Variants in PDE4B observed in about 807,000 individuals in gnomAD.
The protein encoded by PDE4B is 3',5'-cyclic-AMP phosphodiesterase 4B.
Under a neutral mutation model 82.2 loss-of-function variants are expected in PDE4B, and 20 were observed. The observed-to-expected ratio is 0.24, with a 90% confidence interval of 0.17 to 0.35. PDE4B has a LOEUF of 0.35. PDE4B is among the 10% of genes least tolerant of loss of function. PDE4B has a pLI of 1.00. For synonymous variants in PDE4B, 320 were observed against 318.9 expected (o/e 1.00, Z -0.04); for missense variants, 655 against 907.2 (o/e 0.72, Z 3.57).
intron 3 of PDE4B, among the ~76,000 whole-genome samples, chr1:65,988,221 A>C (rs549811107): frequency 6.6e-6 from 1 of 152,366 alleles, no homozygotes; most frequent in South Asian, 2.1e-4. Flanking sequence ...TCTTTTAAAG[A>C]GTTGCCAGTT....
At chr1:66,052,682 T>G (rs1655104722) in intron 3 of PDE4B, among the ~76,000 whole-genome samples, 1 of 152,046 alleles carries the variant, frequency 6.6e-6, no homozygotes, top group Non-Finnish European at 1.5e-5. Flanking sequence ...CGAGAAATGA[T>G]TAGGAGTGTG....
intron 1 of PDE4B, among the ~76,000 whole-genome samples, chr1:65,871,062 AG>A (rs1205586577): frequency 1.3e-5 from 2 of 152,318 alleles, no homozygotes; most frequent in African/African-American, 4.8e-5. Flanking sequence ...ATCCAGGGAC[AG>A]GGGATGATGA....
At chr1:66,257,747 A>G (rs754077571) in intron 5 of PDE4B, 46 bp from the exon 6 acceptor site, 1 of 1,607,346 alleles carries the variant, frequency 6.2e-7, no homozygotes, top group Non-Finnish European at 8.5e-7. Flanking sequence ...GAACCTGGCC[A>G]TTTGTCTTCT....
intron 7 of PDE4B, among the ~76,000 whole-genome samples, chr1:66,292,140 A>G (rs1657132427): frequency 6.6e-6 from 1 of 152,190 alleles, no homozygotes; most frequent in Non-Finnish European, 1.5e-5. Context: ...GATGTGCTCT[A>G]ATTGTTTGAT....
At chr1:66,229,438 A>G (rs770035514) in intron 3 of PDE4B, among the ~76,000 whole-genome samples, 6 of 152,094 alleles carry the variant, frequency 3.9e-5, no homozygotes, top group Non-Finnish European at 8.8e-5. Context: ...GCCATCCACA[A>G]TTTTGTTCGT....
intron 3 of PDE4B, among the ~76,000 whole-genome samples, chr1:65,999,291 A>G (rs1034051723): frequency 1.2e-4 from 19 of 152,164 alleles, no homozygotes; most frequent in Admixed American, 3.9e-4. Flanking sequence ...ACATTATGCT[A>G]GAAGCATTTA....
chr1:65,921,215 G>A (rs566785038), intron 3 of PDE4B, among the ~76,000 whole-genome samples: 20 of 151,838 alleles, frequency 1.3e-4, no homozygotes, highest in Admixed American at 9.2e-4. Context: ...TGATCCGCCC[G>A]CCTCGGCCTC....
chr1:66,355,029 G>A, intron 8 of PDE4B: 3 of 689,148 alleles, frequency 4.4e-6, no homozygotes, highest in Non-Finnish European at 7.3e-6. Context: ...CTCTTATTTT[G>A]AAATAAGAGC....
At chr1:66,141,031 T>C (rs1646159867) in intron 3 of PDE4B, among the ~76,000 whole-genome samples, 1 of 152,170 alleles carries the variant, frequency 6.6e-6, no homozygotes, top group Admixed American at 6.5e-5. Context: ...TTCTAGTTTT[T>C]GGTTGTCAAA....
chr1:65,896,768 G>A (rs963020458), intron 1 of PDE4B, among the ~76,000 whole-genome samples: 3 of 152,036 alleles, frequency 2.0e-5, no homozygotes, highest in Non-Finnish European at 4.4e-5. Flanking sequence ...CTTATGATTC[G>A]TCCTTTTGTG....
intron 1 of PDE4B, among the ~76,000 whole-genome samples, chr1:65,836,906 TA>T (rs1302108859): frequency 6.6e-6 from 1 of 152,178 alleles, no homozygotes; most frequent in Non-Finnish European, 1.5e-5. Flanking sequence ...TCTTTGTTTA[TA>T]GTCTTCATGG....
chr1:65,815,294 AAATTT>A (rs1179930989), intron 1 of PDE4B, among the ~76,000 whole-genome samples: 2 of 148,682 alleles, frequency 1.3e-5, no homozygotes, highest in East Asian at 2.0e-4. Flanking sequence ...GCTTTTGAAG[AAATTT>A]AATTTAAGAT....
At chr1:66,134,047 A>G (rs1399504321) in intron 3 of PDE4B, among the ~76,000 whole-genome samples, 3 of 150,116 alleles carry the variant, frequency 2.0e-5, no homozygotes, top group Admixed American at 6.7e-5. Context: ...AAACTGGAAA[A>G]AAAAAAAAAA....
At chr1:66,015,095 T>A (rs1160054276) in intron 3 of PDE4B, among the ~76,000 whole-genome samples, 1 of 152,186 alleles carries the variant, frequency 6.6e-6, no homozygotes, top group Non-Finnish European at 1.5e-5. Context: ...AACAGAATGC[T>A]ATTTTGAGCT....
chr1:65,929,523 T>C (rs977872071), intron 3 of PDE4B, among the ~76,000 whole-genome samples: 5 of 152,152 alleles, frequency 3.3e-5, no homozygotes, highest in African/African-American at 1.2e-4. Flanking sequence ...TTTGTGCCTG[T>C]TTTTCCATAA....
At chr1:66,086,495 C>T (rs1019502783) in intron 3 of PDE4B, among the ~76,000 whole-genome samples, 1 of 152,118 alleles carries the variant, frequency 6.6e-6, no homozygotes, top group African/African-American at 2.4e-5. Context: ...AGCCCACACT[C>T]TCTTATTTTA....
intron 10 of PDE4B, 102 bp from the exon 11 acceptor site, chr1:66,363,066 C>G: frequency 1.3e-6 from 1 of 757,906 alleles, no homozygotes; most frequent in Middle Eastern, 3.7e-4. Flanking sequence ...AGGAGACACT[C>G]TAAAGACTTA....
intron 3 of PDE4B, among the ~76,000 whole-genome samples, chr1:66,100,982 T>TC (rs1375248124): frequency 6.6e-6 from 1 of 151,892 alleles, no homozygotes. Flanking sequence ...CCCTCCATCC[T>TC]CCCCCCACCC....
At chr1:66,329,952 G>T (rs1254735454) in intron 7 of PDE4B, among the ~76,000 whole-genome samples, 1 of 152,114 alleles carries the variant, frequency 6.6e-6, no homozygotes, top group Non-Finnish European at 1.5e-5. Context: ...GTATCTCCTA[G>T]GTGCTAAAAC....
Sources: allele counts gnomAD v4.1 joint callset (sites outside exome capture counted in the v4.1 genomes callset), GRCh38; gene constraint gnomAD v4.1.1; transcripts MANE v1.5; gene names NCBI Gene and HGNC (gene_info 2026-07-23, HGNC 2026-07-21).